The following CNTNAP2 variants were observed in gnomAD, a reference collection of about 807,000 sequenced individuals.
CNTNAP2 encodes the protein contactin associated protein 2.
Under a neutral mutation model 155.2 loss-of-function variants are expected in CNTNAP2, and 98 were observed. The ratio of observed to expected loss-of-function variants is 0.63; its 90% CI spans 0.54 to 0.75. CNTNAP2 has a LOEUF of 0.75. Ranked by LOEUF, CNTNAP2 falls within the 30% of genes least tolerant of loss-of-function variation. CNTNAP2 has a pLI of 0.00. For missense variants in CNTNAP2, 1,727 were observed against 1,688.1 expected (o/e 1.02, Z -0.40); for synonymous variants, 651 against 631.2 (o/e 1.03, Z -0.47).
chr7:146,223,756 TAAAG>T (rs1456753253), intron 1 of CNTNAP2, among the ~76,000 whole-genome samples: 7 of 152,140 alleles, frequency 4.6e-5, no homozygotes, highest in Admixed American at 2.6e-4. Flanking sequence ...AGAAGGAAAA[TAAAG>T]TAACCTCCAC....
chr7:146,766,593 C>T (rs548232500), intron 1 of CNTNAP2, among the ~76,000 whole-genome samples: 1 of 152,244 alleles, frequency 6.6e-6, no homozygotes, highest in East Asian at 1.9e-4. Context: ...ACTTTAATAT[C>T]CTTTAGCTGT....
At chr7:147,441,827 CT>C (rs1238619768) in intron 10 of CNTNAP2, among the ~76,000 whole-genome samples, 2 of 142,008 alleles carry the variant, frequency 1.4e-5, no homozygotes, top group African/African-American at 5.3e-5. Flanking sequence ...CTCTCTCTCT[CT>C]CTCTCTCTCT....
chr7:148,340,476 T>C (rs1175689815), intron 21 of CNTNAP2, among the ~76,000 whole-genome samples: 1 of 152,240 alleles, frequency 6.6e-6, no homozygotes, highest in Non-Finnish European at 1.5e-5. Context: ...TGTTTGGTTA[T>C]CCATGAAGGT....
intron 20 of CNTNAP2, among the ~76,000 whole-genome samples, chr7:148,242,879 A>G (rs533062318): frequency 2.6e-5 from 4 of 152,318 alleles, no homozygotes; most frequent in Admixed American, 1.3e-4. Flanking sequence ...TTTGATTTGC[A>G]TCCTTTCCCC....
In CNTNAP2 at chr7:147,726,591, G is replaced by A. The variant is rs576640121; in HGVS notation, c.2098+87285G>A. On this transcript the variant is annotated intron_variant, in intron 13 of 23. Coordinates refer to ENST00000361727, the MANE Select transcript of CNTNAP2 (RefSeq NM_014141.6). Reference sequence around the variant, plus strand: ...GACATCTGGGCAGCAGCAAGGGTCCGAGAAGGTTGAGAACGTCTTTGTCCT... The same window carrying A: ...GACATCTGGGCAGCAGCAAGGGTCCAAGAAGGTTGAGAACGTCTTTGTCCT... Among the ~76,000 whole-genome samples the A allele has an allele frequency of 9.2e-5, 14 of 152,092 alleles. No individual in the cohort carries two copies. In the South Asian group the frequency reaches 1.9e-3, roughly 20 times the overall value.
At chr7:147,056,954 T>A (rs1799573522) in intron 4 of CNTNAP2, among the ~76,000 whole-genome samples, 1 of 151,784 alleles carries the variant, frequency 6.6e-6, no homozygotes, top group Non-Finnish European at 1.5e-5. Flanking sequence ...TTATTTATAT[T>A]TTTGTAGAGA....
At chr7:146,405,081 G>A (rs140442767) in intron 1 of CNTNAP2, among the ~76,000 whole-genome samples, 16 of 152,244 alleles carry the variant, frequency 1.1e-4, no homozygotes, top group African/African-American at 3.6e-4. Flanking sequence ...GGAATTGGAA[G>A]TAAAAAGGAA....
chr7:147,662,748 G>T (rs1164195710), intron 13 of CNTNAP2, among the ~76,000 whole-genome samples: 3 of 152,138 alleles, frequency 2.0e-5, no homozygotes, highest in Non-Finnish European at 2.9e-5. Flanking sequence ...AGGTGGGGTG[G>T]TCTGCAAAAT....
At chr7:146,551,609 A>G (rs185404844) in intron 1 of CNTNAP2, among the ~76,000 whole-genome samples, 324 of 152,240 alleles carry the variant, frequency 2.1e-3, no homozygotes, top group Middle Eastern at 0.01. Flanking sequence ...GTATAATTAA[A>G]AAAAAGAATA....
chr7:146,312,639 C>T (rs527721966), intron 1 of CNTNAP2, among the ~76,000 whole-genome samples: 12 of 152,238 alleles, frequency 7.9e-5, no homozygotes, highest in African/African-American at 2.9e-4. Context: ...CTGTGGTCAA[C>T]ATACAATGCA....
Position 146,924,649 on chromosome 7 carries a change from C to T in CNTNAP2, c.402+84745C>T, listed in dbSNP as rs150370692. On this transcript the variant is annotated intron_variant, in intron 3 of 23. Coordinates refer to ENST00000361727, the MANE Select transcript of CNTNAP2 (RefSeq NM_014141.6). ...TAGAGTAATAGTGAGATAAATATAT[C>T]ACTCTATTCTCAGGAGAGTAGGAAG... Among the ~76,000 whole-genome samples the T allele has an allele frequency of 9.9e-3, 1,509 of 152,076 alleles. 8 individuals are homozygous for T. Among genetic ancestry groups the T allele is most frequent in the Non-Finnish European group, 0.017 (1,129 of 67,946 alleles).
At chr7:146,976,951 C>T (rs1290903491) in intron 3 of CNTNAP2, among the ~76,000 whole-genome samples, 2 of 152,056 alleles carry the variant, frequency 1.3e-5, no homozygotes, top group Admixed American at 6.6e-5. Context: ...TTTGTAGCCC[C>T]CTCCAGGACA....
At chr7:147,500,023 G>A (rs939069143) in intron 11 of CNTNAP2, among the ~76,000 whole-genome samples, 1 of 151,628 alleles carries the variant, frequency 6.6e-6, no homozygotes, top group Non-Finnish European at 1.5e-5. Flanking sequence ...ATATACTTAA[G>A]GTCAAAAAGT....
intron 1 of CNTNAP2, among the ~76,000 whole-genome samples, chr7:146,628,635 A>C (rs1290567585): frequency 6.6e-6 from 1 of 152,140 alleles, no homozygotes; most frequent in Non-Finnish European, 1.5e-5. Context: ...AAAATAAAAA[A>C]ATGAAAAAAG....
intron 21 of CNTNAP2, among the ~76,000 whole-genome samples, chr7:148,305,222 CAAAAAAAAAAAAAAA>C (rs34005083): frequency 3.7e-4 from 19 of 51,944 alleles, no homozygotes; most frequent in Admixed American, 2.0e-3. Context: ...GGCCCTGTCT[CAAAAAAAAAAAAAAA>C]AAAAAAAAAA....
chr7:147,590,476 C>A (rs1044844336), intron 12 of CNTNAP2, among the ~76,000 whole-genome samples: 9 of 152,104 alleles, frequency 5.9e-5, no homozygotes, highest in African/African-American at 1.9e-4. Context: ...TCCTGCTGCC[C>A]TGTGAAGAGG....
chr7:147,700,104 C>T (rs571735235), intron 13 of CNTNAP2, among the ~76,000 whole-genome samples: 2 of 152,210 alleles, frequency 1.3e-5, no homozygotes, highest in East Asian at 3.9e-4. Flanking sequence ...TTGGTAATGA[C>T]CAGAATCATA....
At chr7:147,012,482 A>G (rs1322078168) in intron 3 of CNTNAP2, among the ~76,000 whole-genome samples, 1 of 152,212 alleles carries the variant, frequency 6.6e-6, no homozygotes, top group Admixed American at 6.5e-5. Context: ...AAGATGAAGT[A>G]GTACTTTTGA....
intron 1 of CNTNAP2, among the ~76,000 whole-genome samples, chr7:146,131,064 C>T (rs1880729): frequency 0.3 from 45,151 of 152,050 alleles, 7,815 homozygotes; most frequent in African/African-American, 0.48. Context: ...TTAAAGAAAA[C>T]GAATAATATT....
Sources: allele counts gnomAD v4.1 joint callset (sites outside exome capture counted in the v4.1 genomes callset), GRCh38; gene constraint gnomAD v4.1.1; transcripts MANE v1.5; gene names NCBI Gene and HGNC (gene_info 2026-07-23, HGNC 2026-07-21).